ZFHX3: variants seen among roughly 807,000 people sequenced by gnomAD.
ZFHX3 encodes the protein zinc finger homeobox 3.
In ZFHX3, 42 loss-of-function variants were observed where a neutral mutation model predicts 279.1. That is an observed-to-expected ratio of 0.15 (90% confidence interval 0.12 to 0.19). ZFHX3 has a LOEUF of 0.19. Among genes scored for constraint, ZFHX3 ranks in the 10% least tolerant of loss-of-function variants. ZFHX3 has a pLI of 1.00. For missense variants in ZFHX3, 4,981 were observed against 4,754.0 expected, an observed-to-expected ratio of 1.05 and a Z score of -1.40; for synonymous variants, 2,293 against 1,957.8, an observed-to-expected ratio of 1.17 and a Z score of -4.52.
intron 4 of ZFHX3, among the ~76,000 whole-genome samples, chr16:73,297,381 G>C (rs1469204726): frequency 6.6e-6 from 1 of 151,976 alleles, no homozygotes. Flanking sequence ...CATGTGTGTT[G>C]AAAAGCACTG....
At chr16:73,230,481 C>G (rs2012739012) in intron 5 of ZFHX3, among the ~76,000 whole-genome samples, 1 of 152,156 alleles carries the variant, frequency 6.6e-6, no homozygotes, top group Non-Finnish European at 1.5e-5. Context: ...ACTTCTGAAT[C>G]CTCCCTAGTG....
intron 4 of ZFHX3, among the ~76,000 whole-genome samples, chr16:72,841,944 GAGAA>G (rs2037355035): frequency 6.6e-6 from 1 of 152,234 alleles, no homozygotes; most frequent in Non-Finnish European, 1.5e-5. Context: ...TGAAACCTAA[GAGAA>G]AGAAAATGTT....
intron 4 of ZFHX3, among the ~76,000 whole-genome samples, chr16:72,885,313 A>C (rs566012978): frequency 6.6e-6 from 1 of 152,252 alleles, no homozygotes; most frequent in African/African-American, 2.4e-5. Context: ...CAGGACTTAG[A>C]TGTACGTGCC....
At chr16:73,395,266 T>C (rs1468525473) in intron 3 of ZFHX3, among the ~76,000 whole-genome samples, 1 of 152,110 alleles carries the variant, frequency 6.6e-6, no homozygotes, top group Non-Finnish European at 1.5e-5. Flanking sequence ...GAGTTTGAGA[T>C]GAGCCTGGCC....
intron 2 of ZFHX3, among the ~76,000 whole-genome samples, chr16:73,517,507 A>C (rs1031608522): frequency 6.6e-6 from 1 of 152,214 alleles, no homozygotes; most frequent in Admixed American, 6.5e-5. Flanking sequence ...CCCCAGTTTG[A>C]GTTAGTTGTT....
intron 7 of ZFHX3, 31 bp downstream of exon 7, chr16:72,811,546 G>C (rs2036447552): frequency 6.5e-7 from 1 of 1,537,212 alleles, no homozygotes. Context: ...CCTGGAGAAA[G>C]ACCACAGGGT....
intron 1 of ZFHX3, among the ~76,000 whole-genome samples, chr16:73,864,917 G>C (rs894047430): frequency 8.5e-5 from 13 of 152,184 alleles, no homozygotes; most frequent in Admixed American, 2.6e-4. Context: ...ATATGGGCTG[G>C]CCTCACAGCT....
Position 73,076,877 on chromosome 16 carries a change from A to G in ZFHX3, c.-533+16358T>C, listed in dbSNP as rs74028024. On this transcript the variant is annotated intron_variant, in intron 8 of 17. Transcript: ENST00000641206. ...TATTTTATAAAATATGTGTGTGTGT[A>G]TATATATATGTATACGCACACACAC... Among the ~76,000 whole-genome samples, 406 of 148,354 alleles carry G rather than the reference A, an allele frequency of 2.7e-3. 2 individuals are homozygous for G. The highest frequency in any genetic ancestry group is 9.5e-3 in the African/African-American group (372 of 38,980).
intron 1 of ZFHX3, among the ~76,000 whole-genome samples, chr16:73,775,275 A>T (rs1280148539): frequency 6.6e-6 from 1 of 152,134 alleles, no homozygotes; most frequent in Non-Finnish European, 1.5e-5. Flanking sequence ...CCTTCTTCCT[A>T]TTAAAAATGG....
chr16:73,074,993 A>G (rs531618720), intron 8 of ZFHX3, among the ~76,000 whole-genome samples: 1 of 151,932 alleles, frequency 6.6e-6, no homozygotes, highest in East Asian at 1.9e-4. Context: ...TTTTTTGTAG[A>G]GACGGGGTTT....
At chr16:73,334,382 G>C (rs914644191) in intron 3 of ZFHX3, among the ~76,000 whole-genome samples, 1 of 152,218 alleles carries the variant, frequency 6.6e-6, no homozygotes, top group Non-Finnish European at 1.5e-5. Flanking sequence ...GGCAGTGAGA[G>C]CTGAAAACTC....
chr16:73,738,265 G>A (rs560679831), intron 1 of ZFHX3, among the ~76,000 whole-genome samples: 2 of 152,308 alleles, frequency 1.3e-5, no homozygotes, highest in South Asian at 4.1e-4. Flanking sequence ...CTTGCAGCAG[G>A]CTCTCTAGCT....
In ZFHX3 at chr16:72,959,642, C is replaced by A. The variant is rs752543837; in HGVS notation, c.504G>T (p.Ser168=). 1 of 1,613,996 alleles carries A rather than the reference C, an allele frequency of 6.2e-7. No individual in the cohort carries two copies. The highest frequency in any genetic ancestry group is 1.6e-4 in the Middle Eastern group (1 of 6,062). ...CGCCAGGGAGAGAGTTCAGGAAAAGCGAGGGGAGAGGCCCACTGCCACTGC... is the reference window on the plus strand; with the variant it reads ...CGCCAGGGAGAGAGTTCAGGAAAAGAGAGGGGAGAGGCCCACTGCCACTGC... ...GSGSGSGPLP[S]LFLNSLPGAG... is the part of the protein sequence containing the mutation. The change falls in exon 2 of 10, where the codon TCG becomes TCT. Residue 168 remains serine (S), a synonymous_variant. Coordinates refer to ENST00000268489, the MANE Select transcript of ZFHX3 (RefSeq NM_006885.4).
chr16:73,817,821 T>A (rs1400797859), intron 1 of ZFHX3, among the ~76,000 whole-genome samples: 1 of 152,196 alleles, frequency 6.6e-6, no homozygotes, highest in Non-Finnish European at 1.5e-5. Context: ...CTTGATGTAC[T>A]TGAAAGGTCT....
chr16:72,932,791 G>A (rs1032675925), intron 3 of ZFHX3, among the ~76,000 whole-genome samples: 1 of 152,108 alleles, frequency 6.6e-6, no homozygotes, highest in Non-Finnish European at 1.5e-5. Context: ...GAAATCTAAT[G>A]CAGAAAAGCA....
chr16:73,101,964 C>G (rs540100239), intron 7 of ZFHX3, among the ~76,000 whole-genome samples: 1 of 144,504 alleles, frequency 6.9e-6, no homozygotes, highest in South Asian at 2.2e-4. Flanking sequence ...CCCAGGCTGG[C>G]GTGCACTGGC....
intron 1 of ZFHX3, among the ~76,000 whole-genome samples, chr16:73,700,016 A>T (rs746107751): frequency 9.9e-5 from 15 of 152,178 alleles, no homozygotes; most frequent in Non-Finnish European, 1.9e-4. Context: ...TAAGCCCAGG[A>T]GTTCAAGACC....
At chr16:73,029,619 C>T (rs1299832834) in intron 1 of ZFHX3, among the ~76,000 whole-genome samples, 1 of 152,180 alleles carries the variant, frequency 6.6e-6, no homozygotes, top group Non-Finnish European at 1.5e-5. Flanking sequence ...CTTCCCAAAG[C>T]CAACCACATA....
At chr16:72,977,192 C>A (rs1310263953) in intron 1 of ZFHX3, among the ~76,000 whole-genome samples, 1 of 152,194 alleles carries the variant, frequency 6.6e-6, no homozygotes, top group African/African-American at 2.4e-5. Context: ...CCTTTGCATT[C>A]CCATCCTGGT....
Sources: allele counts gnomAD v4.1 joint callset (sites outside exome capture counted in the v4.1 genomes callset), GRCh38; gene constraint gnomAD v4.1.1; transcripts MANE v1.5; gene names NCBI Gene and HGNC (gene_info 2026-07-23, HGNC 2026-07-21).